The following PRTFDC1 variants were observed in gnomAD, a reference collection of about 807,000 sequenced individuals.
PRTFDC1 encodes the protein phosphoribosyl transferase domain containing 1.
A neutral mutation model predicts 34.6 loss-of-function variants in PRTFDC1; 38 were observed. The observed-to-expected ratio is 1.10, with a 90% CI of 0.85 to 1.44. The LOEUF is 1.44. Among genes scored for constraint, PRTFDC1 ranks in the 40% most tolerant of loss-of-function variants. The pLI, the probability that PRTFDC1 is intolerant of heterozygous loss-of-function variation, is 0.00. For missense variants in PRTFDC1, 270 were observed against 283.0 expected (o/e 0.95, Z 0.33); for synonymous variants, 93 against 98.1 (o/e 0.95, Z 0.31).
At position 24,849,448 on chromosome 10, in the gene PRTFDC1, G is replaced by A. The variant is rs1436071588; in HGVS notation, c.*396C>T. The A allele has an allele frequency of 6.3e-6, 1 of 158,252 alleles. No homozygotes were observed. The highest frequency in any genetic ancestry group is 1.4e-5 in the Non-Finnish European group (1 of 72,280). The allele number at this position is 158,252 out of a possible 1,614,324, so 9.8% of individuals were successfully genotyped here. ...AAAAAGTCCCCAGCTTCTTAATATTGTAAGCTTATTACCAAAATAAGAGTA... is the reference window on the plus strand; with the variant it reads ...AAAAAGTCCCCAGCTTCTTAATATTATAAGCTTATTACCAAAATAAGAGTA... On this transcript the variant is annotated 3_prime_UTR_variant, in exon 9 of 9. Transcript: ENST00000320152.
Position 24,952,205 on chromosome 10 carries a change from C to G in PRTFDC1, c.48+323G>C, listed in dbSNP as rs1292033358. Among the ~76,000 whole-genome samples, 1 of 152,200 alleles carries G rather than the reference C, an allele frequency of 6.6e-6. No homozygotes were observed. The highest frequency in any genetic ancestry group is 2.4e-5 in the African/African-American group (1 of 41,464). On this transcript the variant is annotated intron_variant, in intron 1 of 8. Coordinates refer to ENST00000320152, the MANE Select transcript of PRTFDC1 (RefSeq NM_020200.7). The surrounding 1 kb of genome is among the most constrained non-coding windows in gnomAD (Gnocchi z 5.1). ...CACGCGGGGGTCTCTGGGGCCCTGC[C>G]GGGCTCGCAGAAGCGACTCCCCGTG...
chr10:24,939,258 G>A (rs1849107891), intron 2 of PRTFDC1, among the ~76,000 whole-genome samples: 1 of 141,696 alleles, frequency 7.1e-6, no homozygotes, highest in Admixed American at 7.3e-5. Flanking sequence ...CCCAGACTGT[G>A]CTATTGCACT....
intron 3 of PRTFDC1, among the ~76,000 whole-genome samples, chr10:24,931,352 AAAAC>A (rs1353095449): frequency 1.3e-5 from 2 of 152,078 alleles, no homozygotes; most frequent in East Asian, 3.8e-4. Context: ...AATTAACCCC[AAAAC>A]AAACAGAAGG....
intron 3 of PRTFDC1, among the ~76,000 whole-genome samples, chr10:24,925,669 G>A (rs1848860374): frequency 6.7e-6 from 1 of 148,742 alleles, no homozygotes; most frequent in South Asian, 2.1e-4. Context: ...AAATCTTCAG[G>A]CATCTGTTGT....
At chr10:24,866,381 GA>G (rs1296385783) in intron 4 of PRTFDC1, among the ~76,000 whole-genome samples, 66 of 137,476 alleles carry the variant, frequency 4.8e-4, no homozygotes, top group African/African-American at 1.4e-3. Context: ...AAAAAAAAAA[GA>G]AAAAAAAACT....
At chr10:24,943,340 A>G (rs1445903094) in intron 1 of PRTFDC1, among the ~76,000 whole-genome samples, 1 of 152,082 alleles carries the variant, frequency 6.6e-6, no homozygotes, top group African/African-American at 2.4e-5. Context: ...AAATTGGCCT[A>G]TTCACATAGT....
At chr10:24,937,555 C>CTTTTTTT (rs35562409) in intron 2 of PRTFDC1, among the ~76,000 whole-genome samples, 188 bp from the exon 3 acceptor site, 1 of 139,002 alleles carries the variant, frequency 7.2e-6, no homozygotes. Context: ...AAACATACTG[C>CTTTTTTT]TTTTTTTTTT....
intron 3 of PRTFDC1, among the ~76,000 whole-genome samples, chr10:24,895,690 T>TAG (rs1221844597): frequency 2.8e-4 from 28 of 98,804 alleles, no homozygotes; most frequent in African/African-American, 3.4e-4. Context: ...CTGGGGTGGA[T>TAG]ATATATATAT....
intron 7 of PRTFDC1, among the ~76,000 whole-genome samples, chr10:24,852,930 G>A (rs1044641948): frequency 6.6e-5 from 10 of 151,966 alleles, no homozygotes; most frequent in African/African-American, 2.4e-4. Context: ...ACATTATGGA[G>A]TCCCTTGCTA....
intron 3 of PRTFDC1, among the ~76,000 whole-genome samples, chr10:24,882,060 A>G (rs1318151751): frequency 6.6e-6 from 1 of 151,994 alleles, no homozygotes; most frequent in East Asian, 1.9e-4. Context: ...TACAAAAATT[A>G]GCCAGGTGTG....
At chr10:24,936,898 C>T (rs1849058694) in intron 3 of PRTFDC1, among the ~76,000 whole-genome samples, 1 of 152,148 alleles carries the variant, frequency 6.6e-6, no homozygotes, top group South Asian at 2.1e-4. Context: ...TGGGGCTGGG[C>T]ACCAGGATAT....
intron 3 of PRTFDC1, among the ~76,000 whole-genome samples, chr10:24,892,204 C>A (rs912801946): frequency 3.3e-5 from 5 of 152,006 alleles, no homozygotes; most frequent in African/African-American, 9.7e-5. Flanking sequence ...CCAGGCTGAT[C>A]TTGAACTCCT....
intron 3 of PRTFDC1, among the ~76,000 whole-genome samples, chr10:24,909,060 T>C (rs1057068504): frequency 2.6e-5 from 4 of 152,128 alleles, no homozygotes; most frequent in African/African-American, 9.7e-5. Context: ...TTTGGGAGAT[T>C]GATTGAGGCC....
chr10:24,898,821 C>T lies in PRTFDC1; in HGVS notation c.340-26758G>A, dbSNP rs146390194. On this transcript the variant is annotated intron_variant, in intron 3 of 8. Coordinates refer to ENST00000320152, the MANE Select transcript of PRTFDC1 (RefSeq NM_020200.7). ...TGCTAAGAACTGAATGTTTATGTCT[C>T]CCCCAAATTCACACATTAAAATCCT... Among the ~76,000 whole-genome samples the T allele has an allele frequency of 2.7e-3, 414 of 152,244 alleles. 4 individuals carry two copies. Among genetic ancestry groups the T allele is most frequent in the Middle Eastern group, 0.02 (6 of 294 alleles).
At chr10:24,878,764 T>A (rs1848014195) in intron 3 of PRTFDC1, among the ~76,000 whole-genome samples, 1 of 152,106 alleles carries the variant, frequency 6.6e-6, no homozygotes, top group South Asian at 2.1e-4. Context: ...AAATATCCTG[T>A]CCTTTTGAGG....
chr10:24,849,839 T>C lies in PRTFDC1; in HGVS notation c.*5A>G, dbSNP rs1293466912. ...CTGGGACTTTAGTGGTGAGAATTCATGTCTTTAGACTCGATATTTTTCTTT... is the reference window on the plus strand; with the variant it reads ...CTGGGACTTTAGTGGTGAGAATTCACGTCTTTAGACTCGATATTTTTCTTT... On this transcript the variant is annotated 3_prime_UTR_variant, in exon 9 of 9. Coordinates refer to ENST00000320152, the MANE Select transcript of PRTFDC1 (RefSeq NM_020200.7). 4 of 1,613,666 alleles carry C rather than the reference T, an allele frequency of 2.5e-6. No homozygotes were observed. The highest frequency in any genetic ancestry group is 3.4e-6 in the Non-Finnish European group (4 of 1,179,682).
intron 1 of PRTFDC1, among the ~76,000 whole-genome samples, chr10:24,943,179 C>G (rs755849418): frequency 5.2e-5 from 7 of 134,066 alleles, no homozygotes; most frequent in Non-Finnish European, 8.5e-5. Context: ...AGTGCCTCAT[C>G]TGCCTGGAAA....
intron 3 of PRTFDC1, among the ~76,000 whole-genome samples, chr10:24,913,073 C>G (rs984737032): frequency 6.6e-6 from 1 of 152,160 alleles, no homozygotes; most frequent in Admixed American, 6.5e-5. Flanking sequence ...AAATAAAATA[C>G]AATGGATTTC....
intron 3 of PRTFDC1, among the ~76,000 whole-genome samples, chr10:24,879,594 C>G (rs767407785): frequency 6.6e-6 from 1 of 151,808 alleles, no homozygotes; most frequent in Non-Finnish European, 1.5e-5. Flanking sequence ...ATGATCTGCC[C>G]GCCTCGGCCT....
Sources: gnomAD v4.1 joint callset for allele counts (sites outside exome capture counted in the v4.1 genomes callset) on GRCh38, gnomAD v4.1.1 for gene constraint, Gnocchi (gnomAD v3.1) non-coding constraint, MANE v1.5 for transcripts, NCBI Gene and HGNC (gene_info 2026-07-23, HGNC 2026-07-21) for gene names.